Variants in TSPAN13 observed in about 807,000 individuals in gnomAD.
The protein encoded by TSPAN13 is tetraspanin-13.
Under a neutral mutation model 26.9 loss-of-function variants are expected in TSPAN13, and 18 were observed. The ratio of observed to expected loss-of-function variants is 0.67; its 90% CI spans 0.46 to 0.99. The LOEUF is 0.99. TSPAN13 is among the 50% of genes least tolerant of loss of function. TSPAN13 has a pLI of 0.00. For missense variants in TSPAN13, 201 were observed against 249.6 expected (o/e 0.81, Z 1.31); for synonymous variants, 116 against 98.4 (o/e 1.18, Z -1.06).
intron 1 of TSPAN13, among the ~76,000 whole-genome samples, chr7:16,763,417 T>C (rs907429399): frequency 6.6e-6 from 1 of 152,184 alleles, no homozygotes; most frequent in Non-Finnish European, 1.5e-5. Context: ...ATGTGTTGGC[T>C]CATATAAGTG....
chr7:16,783,570 G>C lies in TSPAN13; in HGVS notation c.*79G>C. On this transcript the variant is annotated 3_prime_UTR_variant, in exon 6 of 6. Transcript: ENST00000262067. ...ATTTTCTGTTAAGCTCCATTTGCCA[G>C]TTTAAGGAAGGAAACACTATCTGGA... The C allele has an allele frequency of 1.5e-6, 2 of 1,331,766 alleles. No homozygotes were observed. The highest frequency in any genetic ancestry group is 1.2e-5 in the South Asian group (1 of 82,978). The allele number at this position is 1,331,766 out of a possible 1,614,324, so 82.5% of individuals were successfully genotyped here.
intron 1 of TSPAN13, among the ~76,000 whole-genome samples, chr7:16,766,650 C>T (rs1036148084): frequency 2.0e-5 from 3 of 152,138 alleles, no homozygotes; most frequent in African/African-American, 7.2e-5. Context: ...CTTGAATATG[C>T]ATAGATGGGG....
At chr7:16,777,740 C>G (rs1244781526) in intron 3 of TSPAN13, 58 bp from the exon 4 acceptor site, 5 of 1,325,420 alleles carry the variant, frequency 3.8e-6, no homozygotes, top group Non-Finnish European at 5.3e-6. Context: ...TTACAGGCTC[C>G]AGCTTTATAC....
intron 5 of TSPAN13, among the ~76,000 whole-genome samples, chr7:16,781,810 G>C (rs1249242549): frequency 6.6e-6 from 1 of 152,170 alleles, no homozygotes; most frequent in Non-Finnish European, 1.5e-5. Context: ...AGTGATATTT[G>C]GGCAGGTTGA....
chr7:16,755,160 C>A (rs1472441514), intron 1 of TSPAN13, among the ~76,000 whole-genome samples: 1 of 152,160 alleles, frequency 6.6e-6, no homozygotes, highest in Non-Finnish European at 1.5e-5. Flanking sequence ...AAAACAAACC[C>A]AGCACCCCTG....
chr7:16,760,332 T>G (rs1318587851), intron 1 of TSPAN13, among the ~76,000 whole-genome samples: 1 of 152,112 alleles, frequency 6.6e-6, no homozygotes, highest in Admixed American at 6.6e-5. Flanking sequence ...GCAACAGAAT[T>G]AAAAGAAATA....
chr7:16,779,243 T>G (rs1221219311), intron 5 of TSPAN13, 127 bp downstream of exon 5: 1 of 656,850 alleles, frequency 1.5e-6, no homozygotes, highest in Non-Finnish European at 2.5e-6. Context: ...AAGAGGAAAC[T>G]TGGTTTAGAA....
chr7:16,781,751 G>A (rs1222771642), intron 5 of TSPAN13, among the ~76,000 whole-genome samples: 1 of 152,148 alleles, frequency 6.6e-6, no homozygotes, highest in Non-Finnish European at 1.5e-5. Context: ...CAAAAATTCT[G>A]ACCAGAAGCT....
rs905247859 is a variant in TSPAN13, at chr7:16,778,911, C to T, written c.427-92C>T. 1.1e-4 allele frequency: 97 copies of T among 899,994 alleles called. No individual in the cohort carries two copies. The African/African-American group carries it at 1.5e-3, about 14-fold the overall frequency. 55.8% of individuals were successfully genotyped at this position (899,994 alleles called of 1,614,324 possible). A position where few individuals can be genotyped will look rare whatever the true frequency, so the allele number is the denominator to read the frequency against. The stretch of plus-strand genomic sequence containing the variant: ...CCAAGGCCTCAAATTGGATATAATA[C>T]TCTTAGACACTAATTTTGTGTGTAT... On this transcript the variant is annotated intron_variant, in intron 4 of 5. Coordinates refer to ENST00000262067, the MANE Select transcript of TSPAN13 (RefSeq NM_014399.4).
intron 1 of TSPAN13, among the ~76,000 whole-genome samples, chr7:16,762,621 C>G (rs1470437909): frequency 6.6e-6 from 1 of 152,096 alleles, no homozygotes; most frequent in Non-Finnish European, 1.5e-5. Flanking sequence ...GTAATAGAAA[C>G]CCAGCTATCA....
intron 4 of TSPAN13, 53 bp from the exon 5 acceptor site, chr7:16,778,950 G>A: frequency 7.2e-7 from 1 of 1,387,732 alleles, no homozygotes; most frequent in Non-Finnish European, 9.9e-7. Flanking sequence ...GTTTTTATGG[G>A]CTTTTTATAA....
chr7:16,765,548 CTT>C (rs1193496679), intron 1 of TSPAN13, among the ~76,000 whole-genome samples: 6 of 152,312 alleles, frequency 3.9e-5, no homozygotes, highest in Middle Eastern at 3.4e-3. Context: ...GTTTTAGACA[CTT>C]TTTATGACCA....
intron 1 of TSPAN13, among the ~76,000 whole-genome samples, chr7:16,762,946 A>G (rs777924090): frequency 2.0e-5 from 3 of 152,174 alleles, no homozygotes; most frequent in East Asian, 1.9e-4. Context: ...AAGTTTGGGC[A>G]TATGTGTACA....
At chr7:16,762,217 A>C (rs973385463) in intron 1 of TSPAN13, among the ~76,000 whole-genome samples, 1 of 152,188 alleles carries the variant, frequency 6.6e-6, no homozygotes, top group Non-Finnish European at 1.5e-5. Flanking sequence ...TTCCCCTCCA[A>C]ATATTGTATA....
intron 2 of TSPAN13, 127 bp downstream of exon 2, chr7:16,776,505 C>G: frequency 1.1e-6 from 1 of 871,338 alleles, no homozygotes; most frequent in Non-Finnish European, 1.7e-6. Context: ...CATATTTGTT[C>G]AAGAACTATT....
intron 1 of TSPAN13, among the ~76,000 whole-genome samples, chr7:16,769,636 G>C (rs765997949): frequency 1.3e-5 from 2 of 151,974 alleles, no homozygotes; most frequent in Non-Finnish European, 2.9e-5. Context: ...TCTGTTTCTA[G>C]CAACTTTGCT....
At chr7:16,768,565 C>T (rs967492718) in intron 1 of TSPAN13, among the ~76,000 whole-genome samples, 1 of 152,110 alleles carries the variant, frequency 6.6e-6, no homozygotes, top group South Asian at 2.1e-4. Context: ...AGAGTAAATG[C>T]CATGTCAGTG....
At chr7:16,770,490 G>A (rs530408188) in intron 1 of TSPAN13, among the ~76,000 whole-genome samples, 4 of 152,188 alleles carry the variant, frequency 2.6e-5, no homozygotes, top group Admixed American at 6.5e-5. Context: ...GATTACAGGC[G>A]TGAGCCACCG....
chr7:16,767,533 T>C (rs144548986), intron 1 of TSPAN13, among the ~76,000 whole-genome samples: 2 of 152,342 alleles, frequency 1.3e-5, no homozygotes, highest in East Asian at 3.9e-4. Context: ...TATATCTAGT[T>C]GGGTACATAG....
Sources: allele counts gnomAD v4.1 joint callset (sites outside exome capture counted in the v4.1 genomes callset), GRCh38; gene constraint gnomAD v4.1.1; transcripts MANE v1.5; gene names NCBI Gene and HGNC (gene_info 2026-07-23, HGNC 2026-07-21).